Variants in LRMDA observed in about 807,000 individuals in gnomAD.
LRMDA encodes leucine rich melanocyte differentiation associated.
LRMDA carries 18 observed loss-of-function variants against 29.8 expected under a neutral mutation model. The observed-to-expected ratio is 0.60, with a 90% confidence interval of 0.42 to 0.90. The LOEUF (loss-of-function observed/expected upper bound fraction) is 0.90, where lower values mean the gene tolerates loss of function less well. LRMDA is among the 40% of genes least tolerant of loss of function. LRMDA has a pLI of 0.00. For missense variants in LRMDA, 273 were observed against 273.9 expected (o/e 1.00, Z 0.02); for synonymous variants, 125 against 109.4 (o/e 1.14, Z -0.89).
At chr10:76,380,863 A>G (rs1290024864) in intron 6 of LRMDA, among the ~76,000 whole-genome samples, 1 of 150,860 alleles carries the variant, frequency 6.6e-6, no homozygotes, top group Non-Finnish European at 1.5e-5. Flanking sequence ...CACTGTTAAC[A>G]ACCTATTTTT....
chr10:75,886,570 G>A (rs1845393166), intron 2 of LRMDA, among the ~76,000 whole-genome samples: 1 of 152,158 alleles, frequency 6.6e-6, no homozygotes, highest in Admixed American at 6.5e-5. Context: ...ATTTGAGAAG[G>A]ACTGAACTAG....
At chr10:75,799,974 T>C (rs1843720205) in intron 2 of LRMDA, among the ~76,000 whole-genome samples, 3 of 152,258 alleles carry the variant, frequency 2.0e-5, no homozygotes, top group Admixed American at 6.5e-5. Flanking sequence ...TATTTTGTTT[T>C]AATCTTTTTT....
In LRMDA at chr10:75,627,033, C is replaced by G. The variant is rs188303300; in HGVS notation, c.131+188539C>G. Among the ~76,000 whole-genome samples the G allele has an allele frequency of 2.0e-5, 3 of 152,314 alleles. No homozygotes were observed. In the East Asian group the frequency reaches 5.8e-4, roughly 29 times the overall value. ...TTATTGATCCCACCTTCTCAGCCCTCCCTGGAGGAAGGGCTGCATTGGTTC... is the reference window on the plus strand; with the variant it reads ...TTATTGATCCCACCTTCTCAGCCCTGCCTGGAGGAAGGGCTGCATTGGTTC... On this transcript the variant is annotated intron_variant, in intron 2 of 6. Transcript: ENST00000611255.
intron 6 of LRMDA, among the ~76,000 whole-genome samples, chr10:76,466,012 G>C (rs1002950439): frequency 1.3e-5 from 2 of 152,170 alleles, no homozygotes; most frequent in African/African-American, 2.4e-5. Context: ...CTGAGGTTCT[G>C]GGGGTTTAGA....
chr10:75,675,873 T>A (rs888886027), intron 2 of LRMDA, among the ~76,000 whole-genome samples: 1 of 152,194 alleles, frequency 6.6e-6, no homozygotes, highest in African/African-American at 2.4e-5. Context: ...CAAGGTCCAG[T>A]GTTTCTTCTG....
intron 2 of LRMDA, among the ~76,000 whole-genome samples, chr10:75,788,566 T>A (rs1309184626): frequency 1.3e-5 from 2 of 152,228 alleles, no homozygotes; most frequent in Non-Finnish European, 2.9e-5. Context: ...TGAATGCCAA[T>A]TGTTACATTT....
intron 2 of LRMDA, among the ~76,000 whole-genome samples, chr10:76,030,331 A>G (rs983892863): frequency 6.6e-6 from 1 of 152,132 alleles, no homozygotes; most frequent in African/African-American, 2.4e-5. Context: ...TACATACTGT[A>G]TATAGTAATA....
intron 2 of LRMDA, among the ~76,000 whole-genome samples, chr10:75,492,603 A>T (rs1845001308): frequency 6.6e-6 from 1 of 152,178 alleles, no homozygotes. Context: ...ATGTAGTGTG[A>T]CTTTGACTAT....
intron 5 of LRMDA, among the ~76,000 whole-genome samples, chr10:76,219,385 A>T (rs1191615350): frequency 6.6e-6 from 1 of 152,200 alleles, no homozygotes; most frequent in African/African-American, 2.4e-5. Flanking sequence ...ACGTGCAGAG[A>T]CACACATAGG....
intron 2 of LRMDA, among the ~76,000 whole-genome samples, chr10:76,006,038 GGCTTGAAATGGAGTC>G (rs1225010425): frequency 6.6e-6 from 1 of 152,158 alleles, no homozygotes; most frequent in Non-Finnish European, 1.5e-5. Context: ...GGTTCAGGCA[GGCTTGAAATGGAGTC>G]GCTGTTTCAC....
chr10:76,109,848 C>T (rs980263052), intron 5 of LRMDA, among the ~76,000 whole-genome samples: 1 of 152,144 alleles, frequency 6.6e-6, no homozygotes, highest in Non-Finnish European at 1.5e-5. Context: ...ACCTATGTGG[C>T]TTTTGACCAC....
At chr10:75,635,186 G>C (rs1233943695) in intron 2 of LRMDA, among the ~76,000 whole-genome samples, 2 of 152,120 alleles carry the variant, frequency 1.3e-5, no homozygotes, top group East Asian at 3.8e-4. Context: ...TTTGTGTTTT[G>C]AGTTCGTAAA....
intron 5 of LRMDA, among the ~76,000 whole-genome samples, chr10:76,188,999 A>G (rs980447268): frequency 5.9e-5 from 9 of 152,024 alleles, no homozygotes; most frequent in African/African-American, 1.5e-4. Context: ...TTAGATCCCA[A>G]TAAGTTAATT....
intron 5 of LRMDA, among the ~76,000 whole-genome samples, chr10:76,240,966 C>G (rs1852266998): frequency 6.6e-6 from 1 of 151,858 alleles, no homozygotes. Context: ...TTGCAGCAAC[C>G]TGGATGGAAC....
chr10:75,782,673 G>A (rs1357494304), intron 2 of LRMDA: 1 of 1,104,750 alleles, frequency 9.1e-7, no homozygotes, highest in Non-Finnish European at 1.1e-6. Context: ...CTCGCTGCCG[G>A]TGCAGTTCCA....
At chr10:76,187,620 A>G (rs1034394037) in intron 5 of LRMDA, among the ~76,000 whole-genome samples, 6 of 152,206 alleles carry the variant, frequency 3.9e-5, no homozygotes, top group Non-Finnish European at 8.8e-5. Flanking sequence ...TTCTGGGAAT[A>G]TGCTCTGCTC....
intron 2 of LRMDA, among the ~76,000 whole-genome samples, chr10:75,883,724 A>AG (rs1056858902): frequency 4.6e-5 from 7 of 151,790 alleles, no homozygotes; most frequent in African/African-American, 1.4e-4. Context: ...TGAAAGGAGG[A>AG]GGGGGGAGAG....
At chr10:75,666,573 T>C (rs1841825552) in intron 2 of LRMDA, among the ~76,000 whole-genome samples, 1 of 152,190 alleles carries the variant, frequency 6.6e-6, no homozygotes, top group Non-Finnish European at 1.5e-5. Context: ...ATGAACTAAA[T>C]AGTTTGAAAA....
intron 5 of LRMDA, among the ~76,000 whole-genome samples, chr10:76,196,531 C>CT (rs1194328142): frequency 6.6e-6 from 1 of 152,174 alleles, no homozygotes; most frequent in East Asian, 1.9e-4. Flanking sequence ...GTGCTACTTC[C>CT]TTACACTGCT....
Sources: gnomAD v4.1 joint callset for allele counts (sites outside exome capture counted in the v4.1 genomes callset) on GRCh38, gnomAD v4.1.1 for gene constraint, MANE v1.5 for transcripts, NCBI Gene and HGNC (gene_info 2026-07-23, HGNC 2026-07-21) for gene names.